ZNF292: variants seen among roughly 807,000 people sequenced by gnomAD.
ZNF292 encodes zinc finger protein 292.
In ZNF292, 26 loss-of-function variants were observed where a neutral mutation model predicts 217.9. The observed-to-expected ratio is 0.12, with a 90% CI of 0.09 to 0.17. ZNF292 has a LOEUF of 0.17. ZNF292 is among the 10% of genes least tolerant of loss of function. The pLI is 1.00. For missense variants in ZNF292, 2,904 were observed against 3,175.2 expected, an observed-to-expected ratio of 0.91 and a Z score of 2.05; for synonymous variants, 1,257 against 1,124.1, an observed-to-expected ratio of 1.12 and a Z score of -2.37.
At chr6:87,169,715 G>A in intron 1 of ZNF292, 1 of 443,550 alleles carries the variant, frequency 2.3e-6, no homozygotes, top group Non-Finnish European at 4.5e-6. Flanking sequence ...GACGCCATCA[G>A]AGCTCACTTC....
At chr6:87,202,674 C>G (rs1772129613) in intron 1 of ZNF292, among the ~76,000 whole-genome samples, 1 of 152,018 alleles carries the variant, frequency 6.6e-6, no homozygotes, top group South Asian at 2.1e-4. Context: ...TCCTTCTGTT[C>G]CTTGTCGTAA....
At chr6:87,205,957 G>GCTCA (rs1562139306) in intron 1 of ZNF292, among the ~76,000 whole-genome samples, 1 of 151,934 alleles carries the variant, frequency 6.6e-6, no homozygotes, top group African/African-American at 2.4e-5. Flanking sequence ...AAGCATTATC[G>GCTCA]CTCACTCATC....
At chr6:87,240,221 A>G (rs1192737349) in intron 5 of ZNF292, among the ~76,000 whole-genome samples, 2 of 152,142 alleles carry the variant, frequency 1.3e-5, no homozygotes, top group African/African-American at 4.8e-5. Context: ...GCGTGGCGGC[A>G]TGCGCCTGCA....
intron 1 of ZNF292, among the ~76,000 whole-genome samples, chr6:87,158,244 C>T (rs1418452753): frequency 1.3e-5 from 2 of 152,170 alleles, no homozygotes; most frequent in Non-Finnish European, 2.9e-5. Flanking sequence ...AAGTAATCTC[C>T]ATTTGAAACG....
Position 87,259,527 on chromosome 6 carries a change from A to G in ZNF292, c.5898A>G (p.Ala1966=), listed in dbSNP as rs780510653. The change falls in exon 8 of 8, where the codon GCA becomes GCG. Residue 1966 remains alanine (A), a synonymous_variant. Transcript: ENST00000369577. ...KTFTRNSNLR[A]HCQLVHHFTT... ...TTACAAGAAATTCTAACCTCCGGGC[A>G]CACTGTCAGTTGGTGCATCATTTTA... 11 of 1,586,950 alleles carry G rather than the reference A, an allele frequency of 6.9e-6. No individual in the cohort carries two copies. Among genetic ancestry groups the G allele is most frequent in the Non-Finnish European group, 9.4e-6 (11 of 1,165,400 alleles).
chr6:87,197,816 A>C (rs1316741265), intron 1 of ZNF292, among the ~76,000 whole-genome samples: 1 of 151,514 alleles, frequency 6.6e-6, no homozygotes, highest in Non-Finnish European at 1.5e-5. Context: ...AAAGAAGTAC[A>C]TTCATTTCTA....
chr6:87,202,606 C>A (rs1036092822), intron 1 of ZNF292, among the ~76,000 whole-genome samples: 3 of 152,134 alleles, frequency 2.0e-5, no homozygotes, highest in African/African-American at 7.2e-5. Flanking sequence ...ATTTCATACT[C>A]CCAGAATGTA....
At chr6:87,157,331 C>G (rs1770575671) in intron 1 of ZNF292, among the ~76,000 whole-genome samples, 1 of 152,138 alleles carries the variant, frequency 6.6e-6, no homozygotes, top group Non-Finnish European at 1.5e-5. Flanking sequence ...GTTGAAATTT[C>G]TCAGTTTCTC....
At chr6:87,237,500 C>T (rs868836001) in intron 5 of ZNF292, among the ~76,000 whole-genome samples, 1 of 152,152 alleles carries the variant, frequency 6.6e-6, no homozygotes, top group African/African-American at 2.4e-5. Flanking sequence ...TCTTGGCCTC[C>T]CAAAGTGCTA....
chr6:87,217,589 T>A (rs1315769298), intron 3 of ZNF292, among the ~76,000 whole-genome samples: 1 of 152,146 alleles, frequency 6.6e-6, no homozygotes, highest in Non-Finnish European at 1.5e-5. Flanking sequence ...TGCTACTGAT[T>A]TTGTTTGCCA....
At chr6:87,236,051 A>G (rs533362490) in intron 5 of ZNF292, among the ~76,000 whole-genome samples, 1 of 152,340 alleles carries the variant, frequency 6.6e-6, no homozygotes, top group East Asian at 1.9e-4. Flanking sequence ...TCATTGTTCC[A>G]TATGAGGTGA....
intron 1 of ZNF292, among the ~76,000 whole-genome samples, chr6:87,182,776 A>G (rs1024700423): frequency 1.3e-5 from 2 of 152,242 alleles, no homozygotes; most frequent in African/African-American, 2.4e-5. Flanking sequence ...ACATTAGTAT[A>G]GAAGTAATGA....
chr6:87,175,304 C>T (rs1771247281), intron 1 of ZNF292, among the ~76,000 whole-genome samples: 1 of 152,088 alleles, frequency 6.6e-6, no homozygotes, highest in East Asian at 1.9e-4. Flanking sequence ...ATTACTTTTT[C>T]ATTGCAGTTT....
Position 87,191,548 on chromosome 6 carries a change from C to G in ZNF292, c.169-24355C>G, listed in dbSNP as rs113684528. Among the ~76,000 whole-genome samples, 557 of 152,252 alleles carry G rather than the reference C, an allele frequency of 3.7e-3. 2 individuals are homozygous for G. The highest frequency in any genetic ancestry group is 0.013 in the African/African-American group (536 of 41,544). ...CAGAATTTTTGGTTCAGAGAGTATG[C>G]CTATGTAAAGTTTTGCATTCCCAAA... On this transcript the variant is annotated intron_variant, in intron 1 of 7. Coordinates refer to ENST00000369577, the MANE Select transcript of ZNF292 (RefSeq NM_015021.3).
intron 5 of ZNF292, among the ~76,000 whole-genome samples, chr6:87,238,498 A>C (rs1210343428): frequency 6.6e-6 from 1 of 151,578 alleles, no homozygotes; most frequent in East Asian, 1.9e-4. Flanking sequence ...AAAAAAAAAA[A>C]AAGTAAGCTA....
At chr6:87,159,482 CTTTCT>C (rs1031965124) in intron 1 of ZNF292, among the ~76,000 whole-genome samples, 1 of 144,840 alleles carries the variant, frequency 6.9e-6, no homozygotes, top group Non-Finnish European at 1.5e-5. Flanking sequence ...CCTGTCTCAG[CTTTCT>C]TTTCTTTCTT....
intron 1 of ZNF292, among the ~76,000 whole-genome samples, chr6:87,172,279 C>A (rs1180968244): frequency 6.6e-6 from 1 of 152,140 alleles, no homozygotes; most frequent in Non-Finnish European, 1.5e-5. Context: ...TAGTCAGAAT[C>A]ACATTTATCT....
intron 7 of ZNF292, 129 bp from the exon 8 acceptor site, chr6:87,254,521 G>C: frequency 1.2e-6 from 1 of 853,012 alleles, no homozygotes; most frequent in Admixed American, 2.5e-5. Context: ...TGCTTTAGAA[G>C]GGGAATCCTT....
chr6:87,162,170 A>G (rs141949545), intron 1 of ZNF292, among the ~76,000 whole-genome samples: 37 of 152,288 alleles, frequency 2.4e-4, no homozygotes, highest in Admixed American at 1.6e-3. Flanking sequence ...TTTCCTGAGG[A>G]GGTACTATTT....
Sources: gnomAD v4.1 joint callset for allele counts (sites outside exome capture counted in the v4.1 genomes callset) on GRCh38, gnomAD v4.1.1 for gene constraint, MANE v1.5 for transcripts, NCBI Gene and HGNC (gene_info 2026-07-23, HGNC 2026-07-21) for gene names.